Variants in BCKDHB observed in about 807,000 individuals in gnomAD.
BCKDHB encodes the protein branched chain keto acid dehydrogenase E1 subunit beta.
A neutral mutation model predicts 48.5 loss-of-function variants in BCKDHB; 41 were observed. The ratio of observed to expected loss-of-function variants is 0.85; its 90% confidence interval spans 0.66 to 1.10. The LOEUF (loss-of-function observed/expected upper bound fraction) is 1.10, where lower values mean the gene tolerates loss of function less well. Ranked by LOEUF, BCKDHB falls within the 50% of genes least tolerant of loss-of-function variation. The pLI is 0.00. For missense variants in BCKDHB, 496 were observed against 494.2 expected (o/e 1.00, Z -0.03); for synonymous variants, 201 against 174.8 (o/e 1.15, Z -1.18).
At chr6:80,223,401 C>T (rs1775547794) in intron 8 of BCKDHB, among the ~76,000 whole-genome samples, 1 of 152,110 alleles carries the variant, frequency 6.6e-6, no homozygotes, top group Non-Finnish European at 1.5e-5. Context: ...TGGTTACATT[C>T]ACATTAATAA....
In BCKDHB at chr6:80,288,058, C is replaced by T. The variant is rs759101613; in HGVS notation, c.1038+14837C>T. 3.3e-5 allele frequency among the ~76,000 whole-genome samples: 5 copies of T among 151,678 alleles called. No homozygotes were observed. In the East Asian group the frequency reaches 5.8e-4, roughly 18 times the overall value. ...GGAAATTAAATAATCCTCAGTAGTT[C>T]GATAATATCAATGATTCCTAAATAA... On this transcript the variant is annotated intron_variant, in intron 9 of 9. Coordinates refer to ENST00000320393, the MANE Select transcript of BCKDHB (RefSeq NM_183050.4).
chr6:80,255,846 A>AGC (rs1282560609), intron 8 of BCKDHB, among the ~76,000 whole-genome samples: 3 of 151,318 alleles, frequency 2.0e-5, no homozygotes, highest in Non-Finnish European at 4.4e-5. Context: ...GAAGGACATA[A>AGC]AGATGTCAGA....
chr6:80,425,336 G>A, the BCKDHB span, among the ~76,000 whole-genome samples: 1 of 152,282 alleles, frequency 6.6e-6, no homozygotes, highest in East Asian at 1.9e-4. Flanking sequence ...TGCAACCACT[G>A]AGCTGCCAAA....
rs540579807 is a variant in BCKDHB at position 80,262,984 on chromosome 6, A to C, written c.952-10151A>C. On this transcript the variant is annotated intron_variant, in intron 8 of 9. Transcript: ENST00000320393. Reference sequence around the variant, plus strand: ...GAATGGATTGTTGATATTTTTGTGCATTATGAGGAAAGAAAATTACTCAGC... The same window carrying C: ...GAATGGATTGTTGATATTTTTGTGCCTTATGAGGAAAGAAAATTACTCAGC... 3.0e-4 allele frequency among the ~76,000 whole-genome samples: 45 copies of C among 152,336 alleles called. 1 individual carries two copies. In the South Asian group the frequency reaches 8.5e-3, roughly 29 times the overall value.
At chr6:80,165,674 G>A (rs748302848) in intron 3 of BCKDHB, among the ~76,000 whole-genome samples, 6 of 152,224 alleles carry the variant, frequency 3.9e-5, no homozygotes, top group Admixed American at 1.3e-4. Flanking sequence ...AACGTCAAGT[G>A]AGAATTGAAT....
intron 9 of BCKDHB, among the ~76,000 whole-genome samples, chr6:80,289,477 G>C (rs1419248305): frequency 6.6e-6 from 1 of 152,108 alleles, no homozygotes; most frequent in East Asian, 1.9e-4. Flanking sequence ...AAATTTTAGA[G>C]TAAACCACTG....
In BCKDHB at chr6:80,136,904, C is replaced by A. The variant is rs144444888; in HGVS notation, c.343+7675C>A. 1.7e-3 allele frequency among the ~76,000 whole-genome samples: 265 copies of A among 152,162 alleles called. 1 individual carries two copies. Among genetic ancestry groups the A allele is most frequent in the African/African-American group, 6.0e-3 (251 of 41,514 alleles). On this transcript the variant is annotated intron_variant, in intron 3 of 9. Transcript: ENST00000320393. ...TTATTAGGAAATGCAAGTCAGTATC[C>A]CAGTGGAATACCACTTCGTACTCAT...
chr6:80,450,085 G>C, the BCKDHB span, among the ~76,000 whole-genome samples: 1 of 152,056 alleles, frequency 6.6e-6, no homozygotes, highest in Non-Finnish European at 1.5e-5. Flanking sequence ...TCTGAGTGGA[G>C]TATGAAGAAA....
At chr6:80,198,040 T>C (rs1774214951) in intron 6 of BCKDHB, among the ~76,000 whole-genome samples, 1 of 152,198 alleles carries the variant, frequency 6.6e-6, no homozygotes. Context: ...TGGGCTAGAA[T>C]TAACCTCTGA....
At chr6:80,254,941 T>C (rs1679730667) in intron 8 of BCKDHB, among the ~76,000 whole-genome samples, 1 of 152,156 alleles carries the variant, frequency 6.6e-6, no homozygotes, top group Admixed American at 6.6e-5. Context: ...TAAAATTATC[T>C]CTCTGTTTGT....
intron 6 of BCKDHB, among the ~76,000 whole-genome samples, chr6:80,197,176 A>G (rs1448460572): frequency 1.3e-5 from 2 of 152,184 alleles, no homozygotes; most frequent in Non-Finnish European, 2.9e-5. Context: ...GCCGTGGGGT[A>G]GGAATGCAAC....
intron 1 of BCKDHB, among the ~76,000 whole-genome samples, chr6:80,121,378 AG>A (rs1473784026): frequency 6.6e-6 from 1 of 152,178 alleles, no homozygotes; most frequent in Non-Finnish European, 1.5e-5. Flanking sequence ...ACTTTAAAGT[AG>A]TTTTTTCCAA....
intron 1 of BCKDHB, among the ~76,000 whole-genome samples, chr6:80,110,284 A>G (rs971699677): frequency 2.6e-5 from 4 of 152,154 alleles, no homozygotes; most frequent in Non-Finnish European, 5.9e-5. Context: ...CCTGGATGCC[A>G]TACTCTCTGC....
chr6:80,443,465 G>A, the BCKDHB span: 2 of 152,142 alleles, frequency 1.3e-5, no homozygotes, highest in South Asian at 4.1e-4. Context: ...GAAACATGAG[G>A]ATGAAAAGCC....
At chr6:80,171,093 T>TTA (rs542161050) in intron 5 of BCKDHB, among the ~76,000 whole-genome samples, 189 bp from the exon 6 acceptor site, 48 of 152,242 alleles carry the variant, frequency 3.2e-4, no homozygotes, top group African/African-American at 1.1e-3. Context: ...TAAATATCTG[T>TTA]TGAATAAGAG....
chr6:80,137,918 C>A (rs1317235471), intron 3 of BCKDHB, among the ~76,000 whole-genome samples: 1 of 151,482 alleles, frequency 6.6e-6, no homozygotes. Context: ...ATGACCCCAC[C>A]CCTACAAAAA....
At chr6:80,407,937 T>G in the BCKDHB span, among the ~76,000 whole-genome samples, 1 of 152,232 alleles carries the variant, frequency 6.6e-6, no homozygotes, top group Non-Finnish European at 1.5e-5. Context: ...TGTGCCAGTT[T>G]TGAAAGGTAA....
In BCKDHB at chr6:80,343,886, T is replaced by A; in HGVS notation, c.*82T>A. On this transcript the variant is annotated 3_prime_UTR_variant, in exon 10 of 10. Transcript: ENST00000320393. ...ACTGTTAACCAAGACACAGCAATCA[T>A]CAGTGTTTTGATGGTAACAAACTTT... 2.6e-6 allele frequency: 4 copies of A among 1,531,374 alleles called. No homozygotes were observed. The South Asian group carries it at 4.5e-5, about 17-fold the overall frequency. The allele number at this position is 1,531,374 out of a possible 1,614,324, so 94.9% of individuals were successfully genotyped here.
chr6:80,308,002 C>A, intron 9 of BCKDHB: 1 of 814,716 alleles, frequency 1.2e-6, no homozygotes, highest in Non-Finnish European at 1.5e-6. Context: ...ACAATCACAA[C>A]TAAGGGGATG....
Sources: gnomAD v4.1 joint callset for allele counts (sites outside exome capture counted in the v4.1 genomes callset) on GRCh38, gnomAD v4.1.1 for gene constraint, MANE v1.5 for transcripts, NCBI Gene and HGNC (gene_info 2026-07-23, HGNC 2026-07-21) for gene names.